Variants in GK observed in about 807,000 individuals in gnomAD.
GK encodes the protein glycerol kinase.
GK carries 9 observed loss-of-function variants against 56.4 expected under a neutral mutation model. That is an observed-to-expected ratio of 0.16 (90% CI 0.10 to 0.28). The LOEUF (loss-of-function observed/expected upper bound fraction) is 0.28, where lower values mean the gene tolerates loss of function less well. Ranked by LOEUF, GK falls within the 10% of genes least tolerant of loss-of-function variation. The probability of loss-of-function intolerance (pLI) is 1.00; values close to 1 mark genes in which losing one functional copy is unlikely to be tolerated. For synonymous variants in GK, 104 were observed against 144.1 expected, an observed-to-expected ratio of 0.72 and a Z score of 1.99; for missense variants, 161 against 431.4, an observed-to-expected ratio of 0.37 and a Z score of 5.55.
chrX:30,682,581 C>T (rs1282077659), intron 4 of GK, among the ~76,000 whole-genome samples: 1 of 112,287 alleles, frequency 8.9e-6, no homozygotes, highest in African/African-American at 3.2e-5. Context: ...AAAATATCAA[C>T]ATAATATTAA....
intron 19 of GK, among the ~76,000 whole-genome samples, chrX:30,726,083 A>G (rs1937116600): frequency 1.8e-5 from 2 of 111,301 alleles, no homozygotes; most frequent in South Asian, 7.5e-4. Context: ...TCAACTGATC[A>G]TTTTTCCCTT....
chrX:30,677,941 A>G, intron 4 of GK: 1 of 530,965 alleles, frequency 1.9e-6, no homozygotes, highest in Non-Finnish European at 3.5e-6. Flanking sequence ...CCATTTTTGG[A>G]TCATACATAT....
chrX:30,657,347 T>C (rs1446343552), intron 1 of GK, among the ~76,000 whole-genome samples: 2 of 112,353 alleles, frequency 1.8e-5, no homozygotes, highest in African/African-American at 6.5e-5. Context: ...CCAACTTATC[T>C]GATAGGAAAG....
At chrX:30,676,714 A>G (rs1933924933) in intron 3 of GK, among the ~76,000 whole-genome samples, 3 of 111,698 alleles carry the variant, frequency 2.7e-5, no homozygotes, top group African/African-American at 9.8e-5. Context: ...TGAATAAGAT[A>G]GTGTGGGTTA....
intron 1 of GK, 55 bp downstream of exon 1, chrX:30,653,670 C>T (rs1932010608): frequency 9.8e-7 from 1 of 1,016,535 alleles, no homozygotes; most frequent in South Asian, 1.9e-5. Flanking sequence ...AGTCGGGGGA[C>T]GGAGGGGGTG....
intron 13 of GK, among the ~76,000 whole-genome samples, chrX:30,714,049 G>C (rs1438211956): frequency 3.6e-5 from 4 of 111,313 alleles, no homozygotes; most frequent in Non-Finnish European, 5.7e-5. Context: ...TTTTAAATAT[G>C]AGCTTCAAAG....
At chrX:30,692,613 AG>A (rs1434454346) in intron 5 of GK, among the ~76,000 whole-genome samples, 2 of 109,018 alleles carry the variant, frequency 1.8e-5, no homozygotes, top group Non-Finnish European at 3.8e-5. Context: ...CCAGTGGCTG[AG>A]ATTACAGGCA....
intron 13 of GK, among the ~76,000 whole-genome samples, chrX:30,710,462 T>A (rs1028323217): frequency 9.0e-6 from 1 of 111,644 alleles, no homozygotes; most frequent in African/African-American, 3.3e-5. Context: ...AACAAACATT[T>A]AAAAAAAATT....
chrX:30,698,384 T>G (rs1304569118), intron 9 of GK: 2 of 112,471 alleles, frequency 1.8e-5, no homozygotes, highest in Non-Finnish European at 3.7e-5. Context: ...GGTTCAGATT[T>G]TCAAAGAATA....
chrX:30,706,583 G>A (rs1936020963), intron 11 of GK, among the ~76,000 whole-genome samples: 1 of 111,995 alleles, frequency 8.9e-6, no homozygotes, highest in African/African-American at 3.2e-5. Context: ...ATCACTTTGG[G>A]CCACTTATCT....
chrX:30,695,629 C>CA (rs1474153875), intron 6 of GK, among the ~76,000 whole-genome samples: 10 of 111,948 alleles, frequency 8.9e-5, no homozygotes, highest in East Asian at 2.8e-4. Flanking sequence ...ACAGCAACAA[C>CA]AAAAAAAACC....
intron 3 of GK, among the ~76,000 whole-genome samples, chrX:30,674,854 T>C (rs767734955): frequency 2.6e-4 from 29 of 111,815 alleles, no homozygotes; most frequent in Non-Finnish European, 4.5e-4. Context: ...CTGCATTGGA[T>C]AAATAGTATT....
At chrX:30,655,693 C>G (rs933136285) in intron 1 of GK, among the ~76,000 whole-genome samples, 30 of 112,031 alleles carry the variant, frequency 2.7e-4, no homozygotes, top group Admixed American at 8.6e-4. Flanking sequence ...CTGTCCATGC[C>G]TTCTTTTTGA....
intron 1 of GK, among the ~76,000 whole-genome samples, chrX:30,665,212 A>G (rs1341956212): frequency 8.9e-6 from 1 of 111,944 alleles, no homozygotes; most frequent in Non-Finnish European, 1.9e-5. Flanking sequence ...AAATAAATCC[A>G]TATTATTAAT....
chrX:30,682,543 G>T (rs1285326673), intron 4 of GK, among the ~76,000 whole-genome samples: 4 of 112,083 alleles, frequency 3.6e-5, no homozygotes, highest in African/African-American at 1.3e-4. Context: ...ACTCTAAAGT[G>T]TCATATCTCC....
chrX:30,683,717 T>C (rs1015210266), intron 4 of GK, among the ~76,000 whole-genome samples: 4 of 112,731 alleles, frequency 3.5e-5, no homozygotes, highest in Admixed American at 1.9e-4. Context: ...ATTTTTAGAA[T>C]TTATCTGTTA....
chrX:30,695,885 C>T (rs1269288423), intron 6 of GK, among the ~76,000 whole-genome samples, 157 bp from the exon 7 acceptor site: 1 of 112,678 alleles, frequency 8.9e-6, no homozygotes, highest in Non-Finnish European at 1.9e-5. Context: ...ATGGAATATA[C>T]ACCAGATTTC....
At chrX:30,711,532 C>A (rs977664200) in intron 13 of GK, among the ~76,000 whole-genome samples, 1 of 111,485 alleles carries the variant, frequency 9.0e-6, no homozygotes, top group Non-Finnish European at 1.9e-5. Context: ...TTACCTCCAT[C>A]CTCTTCTGGA....
intron 12 of GK, among the ~76,000 whole-genome samples, chrX:30,707,837 A>G (rs1335300784): frequency 8.9e-6 from 1 of 111,946 alleles, no homozygotes; most frequent in East Asian, 2.8e-4. Context: ...GACCTCATCA[A>G]ATTCTTAATG....
Sources: gnomAD v4.1 joint callset for allele counts (sites outside exome capture counted in the v4.1 genomes callset) on GRCh38, gnomAD v4.1.1 for gene constraint, MANE v1.5 for transcripts, NCBI Gene and HGNC (gene_info 2026-07-23, HGNC 2026-07-21) for gene names.